FANCC: variants seen among roughly 807,000 people sequenced by gnomAD.
FANCC encodes the protein FA complementation group C.
In FANCC, 55 loss-of-function variants were observed where a neutral mutation model predicts 71.3. The observed-to-expected ratio is 0.77, with a 90% confidence interval of 0.62 to 0.97. The LOEUF (loss-of-function observed/expected upper bound fraction) is 0.97, where lower values mean the gene tolerates loss of function less well. Ranked by LOEUF, FANCC falls within the 50% of genes least tolerant of loss-of-function variation. The pLI is 0.00. For missense variants in FANCC, 678 were observed against 670.9 expected (o/e 1.01, Z -0.12); for synonymous variants, 275 against 244.9 (o/e 1.12, Z -1.15).
intron 14 of FANCC, among the ~76,000 whole-genome samples, chr9:95,106,699 C>G (rs540789210): frequency 6.6e-6 from 1 of 152,260 alleles, no homozygotes; most frequent in South Asian, 2.1e-4. Context: ...GGTTGCTTTG[C>G]GAGCCCATTC....
At chr9:95,225,413 A>C (rs536461485) in intron 4 of FANCC, among the ~76,000 whole-genome samples, 27 of 152,336 alleles carry the variant, frequency 1.8e-4, no homozygotes, top group African/African-American at 6.5e-4. Flanking sequence ...AGACCTAAAA[A>C]TTCGCTTCCC....
chr9:95,264,996 T>G (rs1451618626), intron 1 of FANCC, among the ~76,000 whole-genome samples: 4 of 151,424 alleles, frequency 2.6e-5, no homozygotes, highest in African/African-American at 4.8e-5. Flanking sequence ...TTTTTTTTTT[T>G]GAAAGTCACA....
intron 1 of FANCC, among the ~76,000 whole-genome samples, chr9:95,261,448 T>C (rs1832039916): frequency 6.6e-6 from 1 of 152,226 alleles, no homozygotes; most frequent in Non-Finnish European, 1.5e-5. Flanking sequence ...ATAAAAAAGG[T>C]AAATGTTTTA....
At chr9:95,132,624 C>A (rs918314439) in intron 8 of FANCC, among the ~76,000 whole-genome samples, 4 of 152,162 alleles carry the variant, frequency 2.6e-5, no homozygotes, top group Non-Finnish European at 5.9e-5. Context: ...GTCCACCGCA[C>A]GGAAGCCAAA....
intron 1 of FANCC, among the ~76,000 whole-genome samples, chr9:95,310,847 T>C (rs1835352679): frequency 6.6e-6 from 1 of 152,144 alleles, no homozygotes; most frequent in African/African-American, 2.4e-5. Flanking sequence ...AGAAGTTGGC[T>C]AAGAGTTGTG....
At chr9:95,233,030 A>G (rs1383505701) in intron 4 of FANCC, among the ~76,000 whole-genome samples, 2 of 152,166 alleles carry the variant, frequency 1.3e-5, no homozygotes, top group Admixed American at 1.3e-4. Context: ...TGGTTAAGCC[A>G]GGTAGGACCC....
chr9:95,266,072 C>T (rs1832368040), intron 1 of FANCC, among the ~76,000 whole-genome samples: 1 of 152,148 alleles, frequency 6.6e-6, no homozygotes, highest in African/African-American at 2.4e-5. Flanking sequence ...AAATCAAATG[C>T]AAGGTGCTTG....
At chr9:95,243,643 G>C (rs1258947710) in intron 3 of FANCC, among the ~76,000 whole-genome samples, 1 of 149,966 alleles carries the variant, frequency 6.7e-6, no homozygotes, top group Non-Finnish European at 1.5e-5. Flanking sequence ...AAAAAAAACA[G>C]ATTAGCTGGG....
intron 6 of FANCC, among the ~76,000 whole-genome samples, chr9:95,163,149 T>C (rs1830853923): frequency 6.6e-6 from 1 of 152,232 alleles, no homozygotes; most frequent in South Asian, 2.1e-4. Flanking sequence ...GTTTTCTCAA[T>C]GTGTATATCC....
intron 1 of FANCC, among the ~76,000 whole-genome samples, chr9:95,309,463 G>A (rs934965158): frequency 2.0e-5 from 3 of 152,142 alleles, no homozygotes; most frequent in Admixed American, 6.5e-5. Context: ...ATATGTAGGG[G>A]TAGATAGGCT....
chr9:95,147,646 T>A (rs996116785), intron 7 of FANCC, among the ~76,000 whole-genome samples: 2 of 152,222 alleles, frequency 1.3e-5, no homozygotes, highest in African/African-American at 4.8e-5. Context: ...GGAAAGTTAT[T>A]TTTCCCTTGC....
chr9:95,293,165 A>G (rs759959033), intron 1 of FANCC: 113 of 1,612,952 alleles, frequency 7.0e-5, no homozygotes, highest in Non-Finnish European at 9.1e-5. Context: ...TGTGGCTCTA[A>G]CACTGACAAG....
At position 95,100,161 on chromosome 9, in the gene FANCC, ATGTT is replaced by A. The variant is rs1353995648; in HGVS notation, c.*1542_*1545del. 4.3e-6 allele frequency: 1 copy of A among 232,772 alleles called. No individual in the cohort carries two copies. Among genetic ancestry groups the A allele is most frequent in the Non-Finnish European group, 8.5e-6 (1 of 117,788 alleles). The allele number at this position is 232,772 out of a possible 1,614,324, so 14.4% of individuals were successfully genotyped here. ...TCAACCCCAACACCTCTGACGAAGC[ATGTT>A]TGTTATATGAAGGCAAGGATCATGA... On this transcript the variant is annotated 3_prime_UTR_variant, in exon 15 of 15. Coordinates refer to ENST00000289081, the MANE Select transcript of FANCC (RefSeq NM_000136.3).
chr9:95,109,338 A>G (rs1029609092), intron 13 of FANCC, among the ~76,000 whole-genome samples: 4 of 152,204 alleles, frequency 2.6e-5, no homozygotes, highest in African/African-American at 9.6e-5. Context: ...TTTATGAACA[A>G]TGCTGTGCTG....
At chr9:95,158,559 A>G (rs1221656832) in intron 6 of FANCC, among the ~76,000 whole-genome samples, 1 of 152,260 alleles carries the variant, frequency 6.6e-6, no homozygotes, top group East Asian at 1.9e-4. Context: ...ACTATTATCA[A>G]GAATACAGCA....
At chr9:95,249,487 TGGAGCC>T in intron 1 of FANCC, 118 bp from the exon 2 acceptor site, 1 of 595,784 alleles carries the variant, frequency 1.7e-6, no homozygotes, top group Non-Finnish European at 3.0e-6. Context: ...GCTTCTATGC[TGGAGCC>T]ATCTTTGAAT....
At chr9:95,119,837 G>A (rs978320918) in intron 10 of FANCC, among the ~76,000 whole-genome samples, 2 of 152,074 alleles carry the variant, frequency 1.3e-5, no homozygotes, top group Non-Finnish European at 2.9e-5. Flanking sequence ...TCAGCCTCCC[G>A]AGTAGCTAGG....
At chr9:95,123,719 C>A (rs770897741) in intron 10 of FANCC, 5 of 690,006 alleles carry the variant, frequency 7.2e-6, no homozygotes, top group South Asian at 6.8e-5. Context: ...GCTTCCCAAG[C>A]TGTATTTGAA....
rs377649979 is a variant in FANCC at position 95,188,926 on chromosome 9, AGTT to A, written c.346-16782_346-16780del. Among the ~76,000 whole-genome samples the A allele has an allele frequency of 4.5e-3, 684 of 152,324 alleles. 6 individuals carry two copies. The highest frequency in any genetic ancestry group is 7.7e-3 in the Non-Finnish European group (527 of 68,034). ...ATTTTTAATTAAAAAATTACACATA[AGTT>A]ACAAATGATATTTTAAGTTCAAAAA... On this transcript the variant is annotated intron_variant, in intron 4 of 14. Transcript: ENST00000289081.
Sources: gnomAD v4.1 joint callset for allele counts (sites outside exome capture counted in the v4.1 genomes callset) on GRCh38, gnomAD v4.1.1 for gene constraint, MANE v1.5 for transcripts, NCBI Gene and HGNC (gene_info 2026-07-23, HGNC 2026-07-21) for gene names.